The following PRDM9 variants were observed in gnomAD, a reference collection of about 807,000 sequenced individuals.
PRDM9 encodes the protein histone-lysine N-methyltransferase PRDM9.
In PRDM9, 47 loss-of-function variants were observed where a neutral mutation model predicts 55.6. The ratio of observed to expected loss-of-function variants is 0.85; its 90% confidence interval spans 0.67 to 1.08. The LOEUF is 1.08. Ranked by LOEUF, PRDM9 falls within the 50% of genes least tolerant of loss-of-function variation. The probability of loss-of-function intolerance (pLI) is 0.00; values close to 1 mark genes in which losing one functional copy is unlikely to be tolerated. For synonymous variants in PRDM9, 312 were observed against 375.7 expected, an observed-to-expected ratio of 0.83 and a Z score of 1.96; for missense variants, 867 against 1,040.3, an observed-to-expected ratio of 0.83 and a Z score of 2.29.
At chr5:23,517,991 G>A in intron 5 of PRDM9, 61 bp downstream of exon 5, 2 of 1,449,482 alleles carry the variant, frequency 1.4e-6, no homozygotes, top group Non-Finnish European at 1.9e-6. Flanking sequence ...ACACAGGTAA[G>A]AGGAGGAGAA....
At chr5:23,522,949 GC>G in intron 8 of PRDM9, 64 bp downstream of exon 8, 1 of 1,612,110 alleles carries the variant, frequency 6.2e-7, no homozygotes, top group South Asian at 1.1e-5. Context: ...CTTTGGTGGG[GC>G]ATAATCTTCT....
intron 4 of PRDM9, among the ~76,000 whole-genome samples, chr5:23,510,248 A>G (rs550822871): frequency 1.3e-5 from 2 of 151,852 alleles, no homozygotes; most frequent in East Asian, 3.9e-4. Flanking sequence ...TTTAGTAGAG[A>G]TGGGGTTTCT....
chr5:23,515,632 GT>G (rs1579590492), intron 4 of PRDM9, among the ~76,000 whole-genome samples: 2 of 152,186 alleles, frequency 1.3e-5, no homozygotes, highest in East Asian at 3.9e-4. Flanking sequence ...TCTTCTTGAG[GT>G]TCTGTACTTA....
rs113958470 is a variant in PRDM9, at chr5:23,527,668, C to T, written c.2580C>T (p.Tyr860=). The part of the protein sequence containing the change: ...HQRTHTGEKP[Y]VCRECGRGFS... ...GGACACACACAGGGGAGAAGCCCTA[C>T]GTCTGCAGGGAGTGTGGGCGGGGCT... Residue 860 remains tyrosine (Y), a synonymous_variant, in exon 11 of 11, where the codon TAC becomes TAT. Coordinates refer to ENST00000296682, the MANE Select transcript of PRDM9 (RefSeq NM_020227.4). 0.03 allele frequency: 31,418 copies of T among 1,052,900 alleles called. 1,268 individuals are homozygous for T. The highest frequency in any genetic ancestry group is 0.06 in the Admixed American group (1,911 of 32,060). The allele number at this position is 1,052,900 out of a possible 1,614,324, so 65.2% of individuals were successfully genotyped here.
At chr5:23,510,384 A>T (rs1440948823) in intron 4 of PRDM9, among the ~76,000 whole-genome samples, 1 of 151,058 alleles carries the variant, frequency 6.6e-6, no homozygotes, top group Admixed American at 6.6e-5. Flanking sequence ...TATTTTTTTG[A>T]GACAGGGTCT....
chr5:23,511,913 G>T (rs1739106873), intron 4 of PRDM9, among the ~76,000 whole-genome samples: 1 of 151,550 alleles, frequency 6.6e-6, no homozygotes, highest in African/African-American at 2.4e-5. Context: ...GAATGGTGAT[G>T]GATGTATAGG....
chr5:23,519,748 A>G (rs1486374184), intron 5 of PRDM9, among the ~76,000 whole-genome samples: 1 of 152,006 alleles, frequency 6.6e-6, no homozygotes, highest in East Asian at 1.9e-4. Context: ...GTTCACTACA[A>G]TATTAAGAAT....
chr5:23,525,338 G>T (rs912740278), intron 10 of PRDM9, among the ~76,000 whole-genome samples: 2 of 152,298 alleles, frequency 1.3e-5, no homozygotes, highest in Non-Finnish European at 2.9e-5. Flanking sequence ...AGAGAATGGT[G>T]GGCAGGATGA....
rs1739425081 is a variant in PRDM9 at position 23,526,197 on chromosome 5, A to C, written c.1145-36A>C. 1.9e-6 allele frequency: 3 copies of C among 1,589,634 alleles called. No individual in the cohort carries two copies. In the East Asian group the frequency reaches 6.7e-5, roughly 36 times the overall value. On this transcript the variant is annotated intron_variant, in intron 10 of 10. Coordinates refer to ENST00000296682, the MANE Select transcript of PRDM9 (RefSeq NM_020227.4). ...CCTTCATATGTGGTAAGGCCTGAAC[A>C]AAACATCTACCCTGACCAAAAACTT...
intron 9 of PRDM9, among the ~76,000 whole-genome samples, chr5:23,523,936 G>A (rs1188915318): frequency 6.6e-6 from 1 of 152,194 alleles, no homozygotes; most frequent in East Asian, 1.9e-4. Flanking sequence ...TGGGCTGAGT[G>A]TAGAATGATG....
chr5:23,519,225 G>T (rs1378414425), intron 5 of PRDM9, among the ~76,000 whole-genome samples: 1 of 151,854 alleles, frequency 6.6e-6, no homozygotes, highest in African/African-American at 2.4e-5. Context: ...ATGCCCAGCT[G>T]ATTTTTACGT....
intron 4 of PRDM9, among the ~76,000 whole-genome samples, chr5:23,517,168 A>AG (rs1739229597): frequency 6.7e-6 from 1 of 150,124 alleles, no homozygotes; most frequent in Admixed American, 6.6e-5. Context: ...AAAAAAAAAA[A>AG]AAAGGTTGGG....
At chr5:23,512,342 A>G (rs531822722) in intron 4 of PRDM9, among the ~76,000 whole-genome samples, 2 of 152,254 alleles carry the variant, frequency 1.3e-5, no homozygotes, top group African/African-American at 4.8e-5. Context: ...TTCCTCTTCT[A>G]CTGCTTGGTT....
chr5:23,511,779 G>A (rs1739104260), intron 4 of PRDM9, among the ~76,000 whole-genome samples: 1 of 152,008 alleles, frequency 6.6e-6, no homozygotes, highest in African/African-American at 2.4e-5. Context: ...AAAGAAGGAA[G>A]GGCTGGCAGG....
rs3805547 is a variant in PRDM9, at chr5:23,527,898, G to C, written c.*125G>C. The C allele has an allele frequency of 8.4e-6, 10 of 1,197,084 alleles. No homozygotes were observed. Among genetic ancestry groups the C allele is most frequent in the Non-Finnish European group, 1.2e-5 (10 of 827,154 alleles). The allele number at this position is 1,197,084 out of a possible 1,614,324, so 74.2% of individuals were successfully genotyped here. On this transcript the variant is annotated 3_prime_UTR_variant, in exon 11 of 11. Transcript: ENST00000296682. ...TGCTGACCCCTTATATTCCCCGAGAGTATAAAGAGATCGGAAATAACTGAT... is the reference window on the plus strand; with the variant it reads ...TGCTGACCCCTTATATTCCCCGAGACTATAAAGAGATCGGAAATAACTGAT...
intron 1 of PRDM9, 60 bp from the exon 2 acceptor site, chr5:23,508,890 G>C: frequency 5.4e-6 from 5 of 929,772 alleles, no homozygotes; most frequent in Non-Finnish European, 8.4e-6. Flanking sequence ...AGAAGACAGA[G>C]CCTGGTTCTG....
At chr5:23,517,762 G>T in intron 4 of PRDM9, 119 bp from the exon 5 acceptor site, 1 of 1,017,010 alleles carries the variant, frequency 9.8e-7, no homozygotes, top group East Asian at 2.6e-5. Context: ...ACTCCAGCCT[G>T]GGCGACAGAG....
In PRDM9 at chr5:23,526,461, A is replaced by G. The variant is rs375150557; in HGVS notation, c.1373A>G (p.Glu458Gly). The G allele has an allele frequency of 6.2e-7, 1 of 1,614,174 alleles. No individual in the cohort carries two copies. Among genetic ancestry groups the G allele is most frequent in the Non-Finnish European group, 8.5e-7 (1 of 1,180,024 alleles). ...AAAACCAAAGGTCAAGAGATCAAAG[A>G]AAGGTCCAAACTCTTGAATAAAAGG... ...NDKTKGQEIKERSKLLNKRTW... is the reference protein window; with the variant it reads ...NDKTKGQEIKGRSKLLNKRTW... The change falls in exon 11 of 11, where the codon GAA becomes GGA. Residue 458 changes from glutamate to glycine, a missense_variant. Coordinates refer to ENST00000296682, the MANE Select transcript of PRDM9 (RefSeq NM_020227.4).
chr5:23,522,634 T>A lies in PRDM9; in HGVS notation c.631T>A (p.Phe211Ile). Residue 211 changes from phenylalanine to isoleucine, a missense_variant, in exon 8 of 11, where the codon TTC (phenylalanine) becomes ATC (isoleucine). Physicochemically the swap from Phe to Ile is conservative, Grantham distance 21 (BLOSUM62 0). Transcript: ENST00000296682. Reference protein sequence around the residue: ...DYLYCEMCQNFFIDSCAAHGP... With the variant: ...DYLYCEMCQNIFIDSCAAHGP... The stretch of plus-strand genomic sequence containing the variant: ...TCCAGATTGTGAGATGTGTCAGAAC[T>A]TCTTCATTGACAGCTGTGCTGCCCA... 1.2e-6 allele frequency: 2 copies of A among 1,614,250 alleles called. No individual in the cohort carries two copies. The highest frequency in any genetic ancestry group is 2.2e-5 in the South Asian group (2 of 91,084).
Sources: allele counts gnomAD v4.1 joint callset (sites outside exome capture counted in the v4.1 genomes callset), GRCh38; gene constraint gnomAD v4.1.1; transcripts MANE v1.5; gene names NCBI Gene and HGNC (gene_info 2026-07-23, HGNC 2026-07-21).